ANKRD17: variants seen among roughly 807,000 people sequenced by gnomAD.
The protein encoded by ANKRD17 is ankyrin repeat domain 17.
ANKRD17 carries 19 observed loss-of-function variants against 229.7 expected under a neutral mutation model. That is an observed-to-expected ratio of 0.08 (90% CI 0.06 to 0.12). ANKRD17 has a LOEUF of 0.12. ANKRD17 is among the 10% of genes least tolerant of loss of function. ANKRD17 has a pLI of 1.00. For synonymous variants in ANKRD17, 1,112 were observed against 1,146.1 expected (o/e 0.97, Z 0.60); for missense variants, 2,176 against 3,176.8 (o/e 0.68, Z 7.57).
intron 1 of ANKRD17, among the ~76,000 whole-genome samples, chr4:73,212,067 C>A (rs1286068800): frequency 6.6e-6 from 1 of 152,096 alleles, no homozygotes; most frequent in Admixed American, 6.6e-5. Context: ...TTTAGTTCTT[C>A]TTTATACAAT....
chr4:73,126,067 T>C (rs1460178515), intron 16 of ANKRD17, among the ~76,000 whole-genome samples: 2 of 152,120 alleles, frequency 1.3e-5, no homozygotes, highest in Non-Finnish European at 2.9e-5. Flanking sequence ...CAGGCTATAG[T>C]GCAAGGAGCA....
rs753077569 is a variant in ANKRD17, at chr4:73,091,026, G to A, written c.6602C>T (p.Ala2201Val). The change falls in exon 29 of 34, where the codon GCA becomes GTA. Residue 2201 changes from alanine (A) to valine (V), a missense_variant. Transcript: ENST00000358602. ...TTTAATGTGATTGACACTGAGGACT[G>A]CAACAGATGAATTTTGCACTGAAGC... Reference protein sequence around the residue: ...NSASVQNSSVAVLSVNHIKRP... With the variant: ...NSASVQNSSVVVLSVNHIKRP... 8.1e-6 allele frequency: 13 copies of A among 1,614,094 alleles called. No individual in the cohort carries two copies. Among genetic ancestry groups the A allele is most frequent in the Non-Finnish European group, 1.1e-5 (13 of 1,180,036 alleles).
chr4:73,095,161 G>C (rs978719927), intron 27 of ANKRD17, among the ~76,000 whole-genome samples: 19 of 152,100 alleles, frequency 1.2e-4, no homozygotes, highest in Non-Finnish European at 2.6e-4. Context: ...GTGACAGAGT[G>C]AAACTCCTTC....
At chr4:73,191,732 T>C (rs1431647266) in intron 1 of ANKRD17, among the ~76,000 whole-genome samples, 1 of 151,884 alleles carries the variant, frequency 6.6e-6, no homozygotes, top group African/African-American at 2.4e-5. Flanking sequence ...ATAGGATAAA[T>C]ACGAATGCCC....
intron 1 of ANKRD17, among the ~76,000 whole-genome samples, chr4:73,216,058 G>A (rs1364497475): frequency 6.6e-6 from 1 of 152,042 alleles, no homozygotes; most frequent in East Asian, 1.9e-4. Flanking sequence ...CCTGGGCAAC[G>A]TAATGAGACC....
chr4:73,182,051 CAAAAAAAAAAAAAAAAAAAAAAAAAAA>C (rs143812968), intron 1 of ANKRD17, among the ~76,000 whole-genome samples: 14 of 43,260 alleles, frequency 3.2e-4, no homozygotes, highest in Admixed American at 3.1e-3. Flanking sequence ...CCGTCCCCAC[CAAAAAAAAAAAAAAAAAAAAAAAAAAA>C]AAAAAAAAAA....
At chr4:73,176,786 T>C (rs1441954097) in intron 2 of ANKRD17, among the ~76,000 whole-genome samples, 1 of 152,224 alleles carries the variant, frequency 6.6e-6, no homozygotes, top group Non-Finnish European at 1.5e-5. Flanking sequence ...GATGTGATTA[T>C]TATGCATTGC....
chr4:73,146,275 T>C (rs536669727), intron 10 of ANKRD17, among the ~76,000 whole-genome samples: 1 of 152,288 alleles, frequency 6.6e-6, no homozygotes, highest in South Asian at 2.1e-4. Context: ...ACAACATCTC[T>C]TATAATAACC....
intron 16 of ANKRD17, among the ~76,000 whole-genome samples, chr4:73,130,294 T>C (rs1200632695): frequency 6.6e-6 from 1 of 152,124 alleles, no homozygotes; most frequent in Non-Finnish European, 1.5e-5. Context: ...ACAAGTAGAA[T>C]GCATGTATTT....
At chr4:73,085,490 C>A (rs973897464) in intron 29 of ANKRD17, 44 bp from the exon 30 acceptor site, 6 of 1,506,046 alleles carry the variant, frequency 4.0e-6, no homozygotes, top group Non-Finnish European at 5.5e-6. Flanking sequence ...GTTACTCCTG[C>A]AAGAAATAGA....
At chr4:73,209,974 A>T (rs1740035557) in intron 1 of ANKRD17, among the ~76,000 whole-genome samples, 1 of 152,194 alleles carries the variant, frequency 6.6e-6, no homozygotes, top group South Asian at 2.1e-4. Context: ...AAAAAACTAC[A>T]GGTAACAGAA....
rs746084804 is a variant in ANKRD17, at chr4:73,258,294, C to CTCG, written c.372_374dup (p.Asp124dup). 1.1e-5 allele frequency: 17 copies of CTCG among 1,613,722 alleles called. No individual in the cohort carries two copies. Among genetic ancestry groups the CTCG allele is most frequent in the Middle Eastern group, 3.3e-4 (2 of 6,084 alleles). The stretch of plus-strand genomic sequence containing the variant: ...CCCTTGCCTCAGAAACCTCCTCTTC[C>CTCG]TCGTCGTCGTCGTCCTCTTCTTCCT... On this transcript the variant is annotated inframe_insertion, in exon 1 of 34. Coordinates refer to ENST00000358602, the MANE Select transcript of ANKRD17 (RefSeq NM_032217.5).
intron 1 of ANKRD17, among the ~76,000 whole-genome samples, chr4:73,231,502 A>G (rs1327545403): frequency 1.3e-5 from 2 of 152,192 alleles, no homozygotes; most frequent in Non-Finnish European, 2.9e-5. Context: ...GTTTGCCTGC[A>G]AGCAATTATT....
In ANKRD17 at chr4:73,161,315, G is replaced by A; in HGVS notation, c.581C>T (p.Ala194Val). 3 of 1,614,132 alleles carry A rather than the reference G, an allele frequency of 1.9e-6. No individual in the cohort carries two copies. Among genetic ancestry groups the A allele is most frequent in the South Asian group, 1.1e-5 (1 of 91,080 alleles). The change falls in exon 3 of 34, where the codon GCC becomes GTC. Residue 194 changes from alanine (A) to valine (V), a missense_variant. This residue lies in a region of ANKRD17 where 184 missense variants were observed against 357.8 expected (regional missense o/e 0.51). Transcript: ENST00000358602. ...IGKLSTADGK[A>V]FADPEVLRRL... is the part of the protein sequence containing the mutation. ...CCGAAGTACTTCAGGATCTGCAAAG[G>A]CTTTACCATCAGCCGTGGACAATTT...
rs1279512788 is a variant in ANKRD17 at position 73,134,795 on chromosome 4, C to A, written c.3234+322G>T. ...CATGCAATCCATTATATATTTCAAA[C>A]CATATCTTCTATTAATTTATTATTA... On this transcript the variant is annotated intron_variant, in intron 16 of 33. Transcript: ENST00000358602. Among the ~76,000 whole-genome samples, 3 of 151,922 alleles carry A rather than the reference C, an allele frequency of 2.0e-5. No individual in the cohort carries two copies. The South Asian group carries it at 6.2e-4, about 32-fold the overall frequency.
chr4:73,223,977 C>A (rs969580567), intron 1 of ANKRD17, among the ~76,000 whole-genome samples: 1 of 152,104 alleles, frequency 6.6e-6, no homozygotes, highest in Non-Finnish European at 1.5e-5. Context: ...ATGGGCCGAG[C>A]GCAGTGGCTC....
At chr4:73,095,703 T>C (rs189504400) in intron 27 of ANKRD17, among the ~76,000 whole-genome samples, 1 of 152,106 alleles carries the variant, frequency 6.6e-6, no homozygotes, top group African/African-American at 2.4e-5. Context: ...TATTATTATT[T>C]TTTTTTTGAC....
chr4:73,169,911 C>G (rs948453712), intron 2 of ANKRD17, among the ~76,000 whole-genome samples: 1 of 152,122 alleles, frequency 6.6e-6, no homozygotes, highest in Admixed American at 6.5e-5. Flanking sequence ...TTGTCCATCC[C>G]AGCAGTCCAA....
chr4:73,228,610 T>G lies in ANKRD17; in HGVS notation c.393+29666A>C, dbSNP rs559337274. Among the ~76,000 whole-genome samples, 27 of 152,346 alleles carry G rather than the reference T, an allele frequency of 1.8e-4. 1 individual carries two copies. Among genetic ancestry groups the G allele is most frequent in the African/African-American group, 6.0e-4 (25 of 41,574 alleles). On this transcript the variant is annotated intron_variant, in intron 1 of 33. Coordinates refer to ENST00000358602, the MANE Select transcript of ANKRD17 (RefSeq NM_032217.5). ...AGGGTAACATTATTTTTTATACAGA[T>G]GGATACTATTATGCATACTTTCTGT...
Sources: allele counts gnomAD v4.1 joint callset (sites outside exome capture counted in the v4.1 genomes callset), GRCh38; gene constraint gnomAD v4.1.1; regional missense constraint gnomAD v4.1.1; transcripts MANE v1.5; gene names NCBI Gene and HGNC (gene_info 2026-07-23, HGNC 2026-07-21).